The following WDPCP variants were observed in gnomAD, a reference collection of about 807,000 sequenced individuals.
WDPCP encodes the protein WD repeat containing planar cell polarity effector.
WDPCP carries 71 observed loss-of-function variants against 93.1 expected under a neutral mutation model. The observed-to-expected ratio is 0.76, with a 90% CI of 0.63 to 0.93. WDPCP has a LOEUF of 0.93. Among genes scored for constraint, WDPCP ranks in the 40% least tolerant of loss-of-function variants. WDPCP has a pLI of 0.00. For missense variants in WDPCP, 844 were observed against 887.4 expected, an observed-to-expected ratio of 0.95 and a Z score of 0.62; for synonymous variants, 315 against 315.0, an observed-to-expected ratio of 1.00 and a Z score of 0.00.
chr2:63,645,730 G>A (rs1035711544), intron 3 of WDPCP, among the ~76,000 whole-genome samples: 5 of 152,124 alleles, frequency 3.3e-5, no homozygotes, highest in Non-Finnish European at 5.9e-5. Flanking sequence ...TTCTCTTGCT[G>A]AATTAACTCC....
At chr2:63,617,212 T>C (rs543907926) in intron 3 of WDPCP, among the ~76,000 whole-genome samples, 2 of 152,340 alleles carry the variant, frequency 1.3e-5, no homozygotes, top group East Asian at 1.9e-4. Context: ...GGAGTGATAA[T>C]GTAGACCAGC....
chr2:63,253,109 C>G (rs1314214026), intron 14 of WDPCP, among the ~76,000 whole-genome samples: 1 of 151,948 alleles, frequency 6.6e-6, no homozygotes, highest in African/African-American at 2.4e-5. Flanking sequence ...GAAATAAAGC[C>G]ACACATCTAC....
chr2:63,201,607 A>C (rs12473198), intron 14 of WDPCP, among the ~76,000 whole-genome samples: 1 of 151,958 alleles, frequency 6.6e-6, no homozygotes, highest in Admixed American at 6.6e-5. Context: ...TAAGAACCAC[A>C]GGTAATCTGA....
chr2:63,537,283 T>C (rs560115268), intron 1 of WDPCP, among the ~76,000 whole-genome samples: 21 of 152,346 alleles, frequency 1.4e-4, no homozygotes, highest in Admixed American at 9.8e-4. Flanking sequence ...TCTTCATCCC[T>C]ACTGCTACCA....
intron 6 of WDPCP, among the ~76,000 whole-genome samples, chr2:63,466,027 G>A (rs534274195): frequency 1.8e-4 from 28 of 152,192 alleles, no homozygotes; most frequent in African/African-American, 5.8e-4. Flanking sequence ...TTTAGGTCTA[G>A]GTGGAAGACT....
intron 2 of WDPCP, among the ~76,000 whole-genome samples, chr2:63,733,229 G>A (rs1575760709): frequency 9.2e-6 from 1 of 109,136 alleles, no homozygotes; most frequent in East Asian, 2.5e-4. Context: ...GTCTCGCTCT[G>A]TCGCCCAGGC....
At chr2:63,267,233 C>A (rs1306482149) in intron 13 of WDPCP, among the ~76,000 whole-genome samples, 1 of 152,146 alleles carries the variant, frequency 6.6e-6, no homozygotes, top group African/African-American at 2.4e-5. Context: ...TGGGAAAGAA[C>A]AATTTATTGT....
At chr2:63,614,752 GC>G (rs149231078) in intron 3 of WDPCP, among the ~76,000 whole-genome samples, 1 of 152,226 alleles carries the variant, frequency 6.6e-6, no homozygotes, top group Non-Finnish European at 1.5e-5. Context: ...TAGGAATTCT[GC>G]CCCATACCTT....
chr2:63,216,918 A>T (rs2104454314), intron 14 of WDPCP, among the ~76,000 whole-genome samples: 1 of 152,328 alleles, frequency 6.6e-6, no homozygotes, highest in Admixed American at 6.5e-5. Context: ...CACCTGAAAG[A>T]AATATTTTAA....
intron 6 of WDPCP, among the ~76,000 whole-genome samples, chr2:63,465,781 T>C (rs1699309752): frequency 1.3e-5 from 2 of 152,188 alleles, no homozygotes. Flanking sequence ...TGCTGATTAT[T>C]GTGTAGTAGC....
chr2:63,721,699 G>A (rs1348335422), intron 2 of WDPCP, among the ~76,000 whole-genome samples: 2 of 117,700 alleles, frequency 1.7e-5, no homozygotes, highest in Non-Finnish European at 1.8e-5. Flanking sequence ...CTGCCCTCCC[G>A]CTCCCCCTGC....
At chr2:63,258,631 T>G (rs541119959) in intron 14 of WDPCP, among the ~76,000 whole-genome samples, 3 of 152,272 alleles carry the variant, frequency 2.0e-5, no homozygotes, top group African/African-American at 7.2e-5. Flanking sequence ...TTGCCTACTT[T>G]AGGAATAATA....
At chr2:63,720,181 C>A (rs1175422878) in intron 2 of WDPCP, among the ~76,000 whole-genome samples, 1 of 152,000 alleles carries the variant, frequency 6.6e-6, no homozygotes, top group Non-Finnish European at 1.5e-5. Flanking sequence ...CTTTGGGAGG[C>A]TGAGGCGGGT....
At chr2:63,398,013 T>C (rs1479986692) in intron 10 of WDPCP, among the ~76,000 whole-genome samples, 1 of 151,910 alleles carries the variant, frequency 6.6e-6, no homozygotes, top group Non-Finnish European at 1.5e-5. Flanking sequence ...AAAGTAAAGG[T>C]GTCAAAGGGA....
upstream of WDPCP, chr2:63,590,432 G>A (rs1709168456): frequency 6.6e-6 from 1 of 152,092 alleles, no homozygotes; most frequent in Non-Finnish European, 1.5e-5. Flanking sequence ...TCGCAGCGGG[G>A]GAGAGACAGT....
At chr2:63,575,424 T>TGC (rs1707915274) in intron 1 of WDPCP, among the ~76,000 whole-genome samples, 1 of 106,462 alleles carries the variant, frequency 9.4e-6, no homozygotes, top group Non-Finnish European at 1.8e-5. Context: ...ATACACTGTA[T>TGC]ACAGTGTATA....
At chr2:63,695,174 T>C (rs555771859) in intron 2 of WDPCP, among the ~76,000 whole-genome samples, 2 of 152,328 alleles carry the variant, frequency 1.3e-5, no homozygotes, top group Admixed American at 1.3e-4. Context: ...AGAAGAGAAA[T>C]ATGAAATGAA....
intron 1 of WDPCP, among the ~76,000 whole-genome samples, chr2:63,517,548 A>G (rs981535110): frequency 5.3e-5 from 8 of 152,232 alleles, no homozygotes; most frequent in African/African-American, 1.9e-4. Flanking sequence ...AAAACATTAT[A>G]TAAGACTCCA....
chr2:63,690,259 C>T (rs1033603400), intron 2 of WDPCP, among the ~76,000 whole-genome samples: 1 of 152,172 alleles, frequency 6.6e-6, no homozygotes, highest in Non-Finnish European at 1.5e-5. Context: ...TTATTTAAAA[C>T]TGTTAAATTC....
Sources: gnomAD v4.1 joint callset for allele counts (sites outside exome capture counted in the v4.1 genomes callset) on GRCh38, gnomAD v4.1.1 for gene constraint, MANE v1.5 for transcripts, NCBI Gene and HGNC (gene_info 2026-07-23, HGNC 2026-07-21) for gene names.